IKBKB-DT: variants seen among roughly 807,000 people sequenced by gnomAD.
The protein encoded by IKBKB-DT is IKBKB divergent transcript.
At chr8:42,238,950 C>A (rs1563274075) in intron 3 of IKBKB-DT, among the ~76,000 whole-genome samples, 1 of 152,078 alleles carries the variant, frequency 6.6e-6, no homozygotes, top group Non-Finnish European at 1.5e-5. Flanking sequence ...GCTTGGCGAG[C>A]TTTGAATTAA....
At chr8:42,245,873 A>C (rs888090958) in intron 3 of IKBKB-DT, among the ~76,000 whole-genome samples, 5 of 152,342 alleles carry the variant, frequency 3.3e-5, no homozygotes, top group Middle Eastern at 3.4e-3. Flanking sequence ...TTTACTGCAG[A>C]TACACGTAAA....
chr8:42,262,690 C>T (rs988774047), intron 3 of IKBKB-DT, among the ~76,000 whole-genome samples: 10 of 151,988 alleles, frequency 6.6e-5, no homozygotes, highest in Non-Finnish European at 8.8e-5. Context: ...CCGCCCGCCT[C>T]GGCCTCCCAA....
intron 2 of IKBKB-DT, among the ~76,000 whole-genome samples, chr8:42,265,019 C>G (rs951004967): frequency 5.3e-5 from 8 of 150,436 alleles, no homozygotes; most frequent in Non-Finnish European, 7.4e-5. Context: ...CTTGCCACCA[C>G]GCCCAGCTAA....
At chr8:42,248,821 G>A (rs1807093308) in intron 3 of IKBKB-DT, among the ~76,000 whole-genome samples, 2 of 149,684 alleles carry the variant, frequency 1.3e-5, no homozygotes, top group Admixed American at 1.3e-4. Flanking sequence ...AGGTTACAGT[G>A]AGCTGAGATC....
At position 42,241,915 on chromosome 8, in the gene IKBKB-DT, A is replaced by G. The variant is rs745999037; in HGVS notation, n.1530-8056T>C. On this transcript the variant is annotated intron_variant and non_coding_transcript_variant, in intron 3 of 3. Transcript: ENST00000518213. ...TCAGTTAATATGAAAAAGGGTACCC[A>G]TTTAAAGTAAGCAGATGGCCTGGCG... Among the ~76,000 whole-genome samples, 6 of 152,196 alleles carry G rather than the reference A, an allele frequency of 3.9e-5. No homozygotes were observed. The South Asian group carries it at 6.2e-4, about 16-fold the overall frequency.
chr8:42,235,524 G>A (rs976942158), intron 3 of IKBKB-DT, among the ~76,000 whole-genome samples: 7 of 152,042 alleles, frequency 4.6e-5, no homozygotes, highest in African/African-American at 1.7e-4. Context: ...TTTTGAGATG[G>A]CTTTTCAAGT....
intron 1 of IKBKB-DT, among the ~76,000 whole-genome samples, chr8:42,267,865 T>A (rs1471512392): frequency 6.6e-6 from 1 of 152,096 alleles, no homozygotes; most frequent in Non-Finnish European, 1.5e-5. Flanking sequence ...TGGTCCATGA[T>A]TAATTGAAGA....
chr8:42,248,353 G>A (rs1807087959), intron 3 of IKBKB-DT, among the ~76,000 whole-genome samples: 1 of 152,014 alleles, frequency 6.6e-6, no homozygotes, highest in Non-Finnish European at 1.5e-5. Flanking sequence ...TCTTGGTTTG[G>A]AGACCCCTGT....
chr8:42,239,096 C>T (rs995381653), intron 3 of IKBKB-DT, among the ~76,000 whole-genome samples: 1 of 152,106 alleles, frequency 6.6e-6, no homozygotes, highest in African/African-American at 2.4e-5. Flanking sequence ...CTCCTCCTCC[C>T]CTGTCAGAGT....
intron 3 of IKBKB-DT, among the ~76,000 whole-genome samples, chr8:42,261,784 T>C (rs1031801867): frequency 2.0e-5 from 3 of 152,218 alleles, no homozygotes; most frequent in African/African-American, 7.2e-5. Context: ...TTGATGATTG[T>C]AGGTTGACAG....
At chr8:42,264,453 G>A (rs1453421455) in intron 2 of IKBKB-DT, among the ~76,000 whole-genome samples, 1 of 152,128 alleles carries the variant, frequency 6.6e-6, no homozygotes, top group Non-Finnish European at 1.5e-5. Context: ...ACTACGCCTG[G>A]CAAGAGATGT....
intron 3 of IKBKB-DT, among the ~76,000 whole-genome samples, chr8:42,237,541 G>A (rs1033742777): frequency 6.6e-6 from 1 of 152,086 alleles, no homozygotes; most frequent in Non-Finnish European, 1.5e-5. Context: ...GGTCAAGAGG[G>A]GGGCCCTTTC....
intron 3 of IKBKB-DT, among the ~76,000 whole-genome samples, chr8:42,260,087 G>A (rs1807263982): frequency 6.6e-6 from 1 of 152,060 alleles, no homozygotes; most frequent in Non-Finnish European, 1.5e-5. Flanking sequence ...GAAGGAAGAG[G>A]TTGTAGGGGA....
At chr8:42,259,800 G>T (rs1192633234) in intron 3 of IKBKB-DT, among the ~76,000 whole-genome samples, 1 of 151,962 alleles carries the variant, frequency 6.6e-6, no homozygotes, top group African/African-American at 2.4e-5. Context: ...TGAACAACAT[G>T]GCAAAACCCT....
chr8:42,237,158 C>A (rs899527459), intron 3 of IKBKB-DT, among the ~76,000 whole-genome samples: 1 of 151,876 alleles, frequency 6.6e-6, no homozygotes, highest in Non-Finnish European at 1.5e-5. Flanking sequence ...ACAATCTCGG[C>A]TTGCTGCAAT....
chr8:42,237,852 C>G (rs528458629), intron 3 of IKBKB-DT, among the ~76,000 whole-genome samples: 2 of 151,444 alleles, frequency 1.3e-5, no homozygotes, highest in East Asian at 3.9e-4. Flanking sequence ...AGTAAGACCC[C>G]CTCTCCACAA....
At chr8:42,251,322 G>T (rs1244601161) in intron 3 of IKBKB-DT, among the ~76,000 whole-genome samples, 1 of 152,200 alleles carries the variant, frequency 6.6e-6, no homozygotes, top group African/African-American at 2.4e-5. Flanking sequence ...GCATCCATTG[G>T]CTGGAGCAGG....
chr8:42,258,978 T>G (rs972449984), intron 3 of IKBKB-DT, among the ~76,000 whole-genome samples: 2 of 152,214 alleles, frequency 1.3e-5, no homozygotes, highest in Non-Finnish European at 2.9e-5. Context: ...TATACCATTT[T>G]ATAATTTTTC....
chr8:42,239,614 TTATATATA>T (rs113469700), intron 3 of IKBKB-DT, among the ~76,000 whole-genome samples: 4 of 19,910 alleles, frequency 2.0e-4, no homozygotes, highest in Admixed American at 8.2e-4. Flanking sequence ...AAAAGGCAAT[TTATATATA>T]TATATATATA....
Sources: gnomAD v4.1 joint callset for allele counts (sites outside exome capture counted in the v4.1 genomes callset) on GRCh38, gnomAD v4.1.1 for gene constraint, MANE v1.5 for transcripts, NCBI Gene and HGNC (gene_info 2026-07-23, HGNC 2026-07-21) for gene names.